The following SRBD1 variants were observed in gnomAD, a reference collection of about 807,000 sequenced individuals.
SRBD1 encodes S1 RNA-binding domain-containing protein 1.
In SRBD1, 88 loss-of-function variants were observed where a neutral mutation model predicts 115.3. That is an observed-to-expected ratio of 0.76 (90% CI 0.64 to 0.91). The LOEUF (loss-of-function observed/expected upper bound fraction) is 0.91. SRBD1 is among the 40% of genes least tolerant of loss of function. The pLI, the probability that SRBD1 is intolerant of heterozygous loss-of-function variation, is 0.00. For synonymous variants in SRBD1, 509 were observed against 407.7 expected, an observed-to-expected ratio of 1.25 and a Z score of -2.99; for missense variants, 1,385 against 1,177.4, an observed-to-expected ratio of 1.18 and a Z score of -2.58.
At chr2:45,580,208 C>T (rs1378333814) in intron 6 of SRBD1, among the ~76,000 whole-genome samples, 195 bp from the exon 7 acceptor site, 1 of 152,074 alleles carries the variant, frequency 6.6e-6, no homozygotes, top group Non-Finnish European at 1.5e-5. Context: ...TTATCTTATT[C>T]TTTATATTTT....
At chr2:45,550,041 G>A (rs1246625747) in intron 12 of SRBD1, among the ~76,000 whole-genome samples, 2 of 151,920 alleles carry the variant, frequency 1.3e-5, no homozygotes, top group African/African-American at 4.8e-5. Flanking sequence ...GAAGTTAAAA[G>A]ATCAAAAACA....
chr2:45,578,905 T>C (rs977287834), intron 7 of SRBD1, among the ~76,000 whole-genome samples: 4 of 152,226 alleles, frequency 2.6e-5, no homozygotes, highest in African/African-American at 9.6e-5. Context: ...TGCTTGATTA[T>C]CATGTATAGA....
intron 12 of SRBD1, 23 bp downstream of exon 12, chr2:45,551,102 T>C: frequency 6.4e-7 from 1 of 1,570,922 alleles, no homozygotes; most frequent in Non-Finnish European, 8.6e-7. Flanking sequence ...AACTTTTACA[T>C]GGAAAATTGC....
intron 16 of SRBD1, among the ~76,000 whole-genome samples, chr2:45,439,088 G>A (rs1668584091): frequency 6.6e-6 from 1 of 151,862 alleles, no homozygotes. Context: ...TATCTTTAAA[G>A]TGCTGCACAC....
chr2:45,576,997 T>A (rs184289249), intron 7 of SRBD1, among the ~76,000 whole-genome samples: 9 of 152,168 alleles, frequency 5.9e-5, no homozygotes, highest in Admixed American at 3.3e-4. Flanking sequence ...GACCCAAAAA[T>A]AAAATCATAC....
intron 14 of SRBD1, among the ~76,000 whole-genome samples, chr2:45,494,762 G>C (rs1670405011): frequency 6.6e-6 from 1 of 152,130 alleles, no homozygotes; most frequent in Non-Finnish European, 1.5e-5. Flanking sequence ...AAAGTAGCAT[G>C]TATGAAAAAG....
chr2:45,606,035 T>A (rs549211856), intron 1 of SRBD1, among the ~76,000 whole-genome samples: 173 of 152,188 alleles, frequency 1.1e-3, no homozygotes, highest in African/African-American at 3.9e-3. Flanking sequence ...ACTGTGTGCT[T>A]CATTTTTTAA....
chr2:45,445,755 T>C (rs929739460), intron 16 of SRBD1, among the ~76,000 whole-genome samples: 1 of 152,240 alleles, frequency 6.6e-6, no homozygotes, highest in East Asian at 1.9e-4. Context: ...CAACTACTGA[T>C]AACTCACCTA....
At chr2:45,445,887 T>C (rs143113067) in intron 16 of SRBD1, among the ~76,000 whole-genome samples, 9 of 152,298 alleles carry the variant, frequency 5.9e-5, no homozygotes, top group African/African-American at 2.2e-4. Context: ...TGTTTTCCCT[T>C]GCCAAATCCT....
chr2:45,434,554 A>C (rs1036864403), intron 16 of SRBD1, among the ~76,000 whole-genome samples: 2 of 152,162 alleles, frequency 1.3e-5, no homozygotes, highest in African/African-American at 4.8e-5. Context: ...TAATTTCATA[A>C]ATTTTTAAAG....
rs1010412851 is a variant in SRBD1, at chr2:45,602,146, G to C, written c.81-63C>G. ...AAAAGCAAATGTCAAAGGTAAAAAA[G>C]AGATGCAAGATTCTTGAAAAAATGA... On this transcript the variant is annotated intron_variant, in intron 2 of 20. Coordinates refer to ENST00000263736, the MANE Select transcript of SRBD1 (RefSeq NM_018079.5). The C allele has an allele frequency of 1.4e-5, 21 of 1,532,830 alleles. No homozygotes were observed. In the African/African-American group the frequency reaches 2.8e-4, roughly 20 times the overall value. 95.0% of individuals were successfully genotyped at this position (1,532,830 alleles called of 1,614,324 possible).
intron 14 of SRBD1, among the ~76,000 whole-genome samples, chr2:45,510,910 G>C (rs922666856): frequency 8.5e-5 from 13 of 152,120 alleles, no homozygotes; most frequent in Admixed American, 5.9e-4. Flanking sequence ...TTTTTGAAAG[G>C]CTTTTCAAAT....
chr2:45,477,167 T>C, intron 15 of SRBD1, 92 bp from the exon 16 acceptor site: 1 of 1,007,488 alleles, frequency 9.9e-7, no homozygotes. Context: ...TGTAAGTACT[T>C]AATCCTGTCC....
chr2:45,408,952 G>C (rs963400967), intron 19 of SRBD1, among the ~76,000 whole-genome samples: 1 of 152,230 alleles, frequency 6.6e-6, no homozygotes, highest in African/African-American at 2.4e-5. Flanking sequence ...GCCGGGTGCA[G>C]TGGCTCACGC....
chr2:45,421,078 G>C (rs1171090125), intron 16 of SRBD1, among the ~76,000 whole-genome samples: 1 of 152,160 alleles, frequency 6.6e-6, no homozygotes, highest in African/African-American at 2.4e-5. Context: ...AACAGTGAAA[G>C]GTGTGCAGTT....
At chr2:45,477,907 G>A (rs983384228) in intron 15 of SRBD1, among the ~76,000 whole-genome samples, 1 of 151,086 alleles carries the variant, frequency 6.6e-6, no homozygotes, top group Admixed American at 6.6e-5. Context: ...AAACTTTAGA[G>A]TTAATTTCAA....
At chr2:45,405,999 G>A (rs1356436975) in intron 19 of SRBD1, among the ~76,000 whole-genome samples, 1 of 152,036 alleles carries the variant, frequency 6.6e-6, no homozygotes, top group Admixed American at 6.6e-5. Flanking sequence ...ATACATCTTT[G>A]GCCAAAAATG....
At chr2:45,405,533 T>C (rs1237015649) in intron 19 of SRBD1, among the ~76,000 whole-genome samples, 3 of 152,240 alleles carry the variant, frequency 2.0e-5, no homozygotes, top group Non-Finnish European at 4.4e-5. Context: ...TGTTAAGACA[T>C]AGGATTTGAA....
intron 1 of SRBD1, 56 bp from the exon 2 acceptor site, chr2:45,605,497 T>C: frequency 6.7e-7 from 1 of 1,501,296 alleles, no homozygotes. Flanking sequence ...TCACTTTATT[T>C]GGCTACAAGT....
Sources: allele counts gnomAD v4.1 joint callset (sites outside exome capture counted in the v4.1 genomes callset), GRCh38; gene constraint gnomAD v4.1.1; transcripts MANE v1.5; gene names NCBI Gene and HGNC (gene_info 2026-07-23, HGNC 2026-07-21).